POLR2D: variants seen among roughly 807,000 people sequenced by gnomAD.
POLR2D encodes the protein RNA polymerase II subunit D.
In POLR2D, 10 loss-of-function variants were observed where a neutral mutation model predicts 17.6. The ratio of observed to expected loss-of-function variants is 0.57; its 90% confidence interval spans 0.35 to 0.96. POLR2D has a LOEUF of 0.96. Ranked by LOEUF, POLR2D falls within the 40% of genes least tolerant of loss-of-function variation. The pLI is 0.02. For missense variants in POLR2D, 126 were observed against 176.4 expected, an observed-to-expected ratio of 0.71 and a Z score of 1.62; for synonymous variants, 52 against 60.2, an observed-to-expected ratio of 0.86 and a Z score of 0.63.
chr2:127,855,802 TACACAC>T (rs3836128), intron 1 of POLR2D, among the ~76,000 whole-genome samples: 2 of 151,192 alleles, frequency 1.3e-5, no homozygotes, highest in Non-Finnish European at 3.0e-5. Context: ...CGCGCGCACA[TACACAC>T]ACACACACAC....
chr2:127,857,607 C>T (rs1361043795), intron 1 of POLR2D, among the ~76,000 whole-genome samples: 2 of 152,230 alleles, frequency 1.3e-5, no homozygotes, highest in African/African-American at 4.8e-5. Flanking sequence ...ACATTTCTCA[C>T]TTCCCCGACT....
rs370364492 is a variant in POLR2D, at chr2:127,858,018, C to G, written c.73+10G>C. The G allele has an allele frequency of 4.2e-5, 66 of 1,577,468 alleles. No individual in the cohort carries two copies. In the Middle Eastern group the frequency reaches 1.7e-3, roughly 40 times the overall value. On this transcript the variant is annotated intron_variant, in intron 1 of 3. Transcript: ENST00000272645. The stretch of plus-strand genomic sequence containing the variant: ...GTGGCGCGGGGGAGTCTGGCAGCCC[C>G]GAGCCCAACCTTTAGGAAAGATGAG...
rs1690132237 is a variant in POLR2D at position 127,845,281 on chromosome 2, G to A, written c.*2826C>T. 1 of 151,106 alleles carries A rather than the reference G, an allele frequency of 6.6e-6. No homozygotes were observed. The highest frequency in any genetic ancestry group is 1.5e-5 in the Non-Finnish European group (1 of 67,980). The allele number at this position is 151,106 out of a possible 1,614,324, so 9.4% of individuals were successfully genotyped here. ...TATACCCAAATTGGAACAATACAGA[G>A]AAGACAGCATGGCCACTGCCCAAGA... On this transcript the variant is annotated 3_prime_UTR_variant, in exon 4 of 4. Coordinates refer to ENST00000272645, the MANE Select transcript of POLR2D (RefSeq NM_004805.4).
At chr2:127,856,146 T>C (rs1408415014) in intron 1 of POLR2D, among the ~76,000 whole-genome samples, 5 of 144,530 alleles carry the variant, frequency 3.5e-5, no homozygotes, top group Admixed American at 3.5e-4. Context: ...TAGCCAGGAG[T>C]GGTGGCCTGC....
chr2:127,850,522 T>C lies in POLR2D; in HGVS notation c.350+68A>G, dbSNP rs1573518407. Reference sequence around the variant, plus strand: ...CCAAATATATAACGCATACACATTTTAGACACACCAATTCTATTTGTAGGA... The same window carrying C: ...CCAAATATATAACGCATACACATTTCAGACACACCAATTCTATTTGTAGGA... On this transcript the variant is annotated intron_variant, in intron 3 of 3. Coordinates refer to ENST00000272645, the MANE Select transcript of POLR2D (RefSeq NM_004805.4). 2.0e-5 allele frequency: 14 copies of C among 700,968 alleles called. No individual in the cohort carries two copies. In the South Asian group the frequency reaches 2.1e-4, roughly 10 times the overall value. The allele number at this position is 700,968 out of a possible 1,614,324, so 43.4% of individuals were successfully genotyped here.
chr2:127,848,153 T>C lies in POLR2D; in HGVS notation c.383A>G (p.Gln128Arg). 6.2e-7 allele frequency: 1 copy of C among 1,612,802 alleles called. No homozygotes were observed. The highest frequency in any genetic ancestry group is 8.5e-7 in the Non-Finnish European group (1 of 1,179,006). Reference sequence around the variant, plus strand: ...TGTCTGGATATCATCAAGAATCTGCTGCAGCTCCTCATCTTCAAACCGTCC... The same window carrying C: ...TGTCTGGATATCATCAAGAATCTGCCGCAGCTCCTCATCTTCAAACCGTCC... The part of the protein sequence containing the change: ...LEGRFEDEEL[Q>R]QILDDIQTKR... Residue 128 changes from glutamine to arginine, a missense_variant, in exon 4 of 4, where the codon CAG becomes CGG. Coordinates refer to ENST00000272645, the MANE Select transcript of POLR2D (RefSeq NM_004805.4).
Position 127,858,144 on chromosome 2 carries a change from G to C in POLR2D, c.-44C>G, listed in dbSNP as rs757886753. On this transcript the variant is annotated 5_prime_UTR_variant, in exon 1 of 4. Coordinates refer to ENST00000272645, the MANE Select transcript of POLR2D (RefSeq NM_004805.4). ...GCCACCACCAGCGCCGCCGGAAGCA[G>C]AAGCGCGGAGCAACGGCCGCGGAAG... 2 of 1,381,634 alleles carry C rather than the reference G, an allele frequency of 1.4e-6. No homozygotes were observed. The allele number at this position is 1,381,634 out of a possible 1,614,324, so 85.6% of individuals were successfully genotyped here. A position where few individuals can be genotyped will look rare whatever the true frequency, so the allele number is the denominator to read the frequency against.
In POLR2D at chr2:127,857,526, C is replaced by A. The variant is rs1012001458; in HGVS notation, c.73+502G>T. On this transcript the variant is annotated intron_variant, in intron 1 of 3. Transcript: ENST00000272645. ...CCTCTGTGGGAGGGTAGGGGCCTAA[C>A]TTCGACAGGTGCGCCAGTCAACAAA... is the stretch of plus-strand genomic sequence containing the variant. 1.2e-4 allele frequency among the ~76,000 whole-genome samples: 19 copies of A among 152,322 alleles called. 2 individuals carry two copies. Among genetic ancestry groups the A allele is most frequent in the Admixed American group, 1.2e-3 (19 of 15,302 alleles).
rs1690159603 is a variant in POLR2D at position 127,846,612 on chromosome 2, GTGTTCAGAACT to G, written c.*1484_*1494del. On this transcript the variant is annotated 3_prime_UTR_variant, in exon 4 of 4. Coordinates refer to ENST00000272645, the MANE Select transcript of POLR2D (RefSeq NM_004805.4). Reference sequence around the variant, plus strand: ...ATCTCTCATAATTGGAGACTTCAAAGTGTTCAGAACTTCAAGCCTGGCCTATGAAGTAAAAA... The same window carrying G: ...ATCTCTCATAATTGGAGACTTCAAAGTCAAGCCTGGCCTATGAAGTAAAAA... The G allele has an allele frequency of 6.6e-6, 1 of 151,798 alleles. No individual in the cohort carries two copies. Among genetic ancestry groups the G allele is most frequent in the Non-Finnish European group, 1.5e-5 (1 of 67,986 alleles). 9.4% of individuals were successfully genotyped at this position (151,798 alleles called of 1,614,324 possible).
intron 2 of POLR2D, among the ~76,000 whole-genome samples, chr2:127,851,182 C>T (rs1224308690): frequency 6.6e-6 from 1 of 152,162 alleles, no homozygotes; most frequent in Non-Finnish European, 1.5e-5. Context: ...CGCCACTGCA[C>T]TCCAGCCTGG....
intron 1 of POLR2D, chr2:127,857,202 G>C (rs1690350644): frequency 6.6e-6 from 1 of 152,168 alleles, no homozygotes; most frequent in Non-Finnish European, 1.5e-5. Flanking sequence ...TGTGGTCTCA[G>C]CTACTTGGGA....
intron 1 of POLR2D, among the ~76,000 whole-genome samples, chr2:127,855,446 CA>C (rs1407432449): frequency 1.4e-5 from 2 of 147,636 alleles, no homozygotes; most frequent in Non-Finnish European, 3.0e-5. Flanking sequence ...TGCACTAAAC[CA>C]AATTACTTGT....
intron 1 of POLR2D, among the ~76,000 whole-genome samples, chr2:127,854,971 C>G (rs1042891418): frequency 7.6e-6 from 1 of 131,632 alleles, no homozygotes. Flanking sequence ...CCTCCAAACT[C>G]TGAAGTGACA....
At position 127,850,574 on chromosome 2, in the gene POLR2D, C is replaced by A. The variant is rs992303072; in HGVS notation, c.350+16G>T. The A allele has an allele frequency of 4.8e-6, 6 of 1,239,222 alleles. No homozygotes were observed. Among genetic ancestry groups the A allele is most frequent in the Non-Finnish European group, 6.9e-6 (6 of 864,762 alleles). 76.8% of individuals were successfully genotyped at this position (1,239,222 alleles called of 1,614,324 possible). ...TTTATCCAGTATACAGAGAACTTAT[C>A]ACAACTGGTACTAACCTTGGGATTA... On this transcript the variant is annotated intron_variant, in intron 3 of 3. Transcript: ENST00000272645.
rs1478276205 is a variant in POLR2D at position 127,852,692 on chromosome 2, G to T, written c.254+233C>A. On this transcript the variant is annotated intron_variant, in intron 2 of 3. Coordinates refer to ENST00000272645, the MANE Select transcript of POLR2D (RefSeq NM_004805.4). This position sits in a 1 kb window ranked among gnomAD's most constrained non-coding sequence, Gnocchi z 4.0. Reference sequence around the variant, plus strand: ...GGTGTGTACCACCAGCTAATTTTTTGCATTTTTAGCAGAGACGGGTTTTTG... The same window carrying T: ...GGTGTGTACCACCAGCTAATTTTTTTCATTTTTAGCAGAGACGGGTTTTTG... 1.3e-5 allele frequency among the ~76,000 whole-genome samples: 2 copies of T among 152,052 alleles called. No homozygotes were observed. The highest frequency in any genetic ancestry group is 1.3e-4 in the Admixed American group (2 of 15,264).
chr2:127,848,824 G>A (rs1465656368), intron 3 of POLR2D, among the ~76,000 whole-genome samples: 14 of 151,124 alleles, frequency 9.3e-5, no homozygotes, highest in Admixed American at 9.2e-4. Flanking sequence ...CCCTCACCCA[G>A]CTAATTTTTA....
chr2:127,848,738 G>A (rs1690195901), intron 3 of POLR2D, among the ~76,000 whole-genome samples: 1 of 152,178 alleles, frequency 6.6e-6, no homozygotes, highest in African/African-American at 2.4e-5. Flanking sequence ...GGACGGTCTC[G>A]ATCTCCTGAC....
intron 3 of POLR2D, among the ~76,000 whole-genome samples, 163 bp from the exon 4 acceptor site, chr2:127,848,348 T>C (rs534458942): frequency 6.6e-6 from 1 of 152,048 alleles, no homozygotes; most frequent in Non-Finnish European, 1.5e-5. Flanking sequence ...ATTTCAAACA[T>C]ATAAAAGATA....
intron 1 of POLR2D, chr2:127,856,926 C>G (rs1001205437): frequency 2.0e-5 from 3 of 152,044 alleles, no homozygotes; most frequent in Non-Finnish European, 2.9e-5. Context: ...ATCCCAGCTA[C>G]TCGGGAGGCT....
Sources: gnomAD v4.1 joint callset for allele counts (sites outside exome capture counted in the v4.1 genomes callset) on GRCh38, gnomAD v4.1.1 for gene constraint, Gnocchi (gnomAD v3.1) non-coding constraint, MANE v1.5 for transcripts, NCBI Gene and HGNC (gene_info 2026-07-23, HGNC 2026-07-21) for gene names.